The following TMX4 variants were observed in gnomAD, a reference collection of about 807,000 sequenced individuals.
TMX4 encodes the protein thioredoxin-related transmembrane protein 4.
Under a neutral mutation model 33.3 loss-of-function variants are expected in TMX4, and 23 were observed. The observed-to-expected ratio is 0.69, with a 90% CI of 0.50 to 0.98. The LOEUF (loss-of-function observed/expected upper bound fraction) is 0.98, where lower values mean the gene tolerates loss of function less well. Among genes scored for constraint, TMX4 ranks in the 50% least tolerant of loss-of-function variants. TMX4 has a pLI of 0.00. For missense variants in TMX4, 399 were observed against 448.9 expected, an observed-to-expected ratio of 0.89 and a Z score of 1.01; for synonymous variants, 164 against 161.5, an observed-to-expected ratio of 1.02 and a Z score of -0.12.
At chr20:8,007,121 T>C (rs1035573989) in intron 2 of TMX4, among the ~76,000 whole-genome samples, 1 of 152,178 alleles carries the variant, frequency 6.6e-6, no homozygotes, top group Non-Finnish European at 1.5e-5. Flanking sequence ...CTCTGGCACA[T>C]ACAGATCATA....
At chr20:7,995,149 T>A (rs115703470) in intron 5 of TMX4, among the ~76,000 whole-genome samples, 1,639 of 152,282 alleles carry the variant, frequency 0.011, 19 homozygotes, top group Middle Eastern at 0.027. Flanking sequence ...TATGAATGTG[T>A]ATGAGAAACA....
At chr20:7,989,151 C>A (rs772494093) in intron 5 of TMX4, among the ~76,000 whole-genome samples, 1 of 151,942 alleles carries the variant, frequency 6.6e-6, no homozygotes, top group Non-Finnish European at 1.5e-5. Context: ...TAGTTTCCTA[C>A]TTTAGAAAAT....
In TMX4 at chr20:7,982,116, G is replaced by C. The variant is rs752369361; in HGVS notation, c.*135C>G. ...GTATACATGAGGCTTACTGCCATGA[G>C]ACCAAATGACTAGAGAGCATCTTTT... On this transcript the variant is annotated 3_prime_UTR_variant, in exon 8 of 8. Coordinates refer to ENST00000246024, the MANE Select transcript of TMX4 (RefSeq NM_021156.4). 7.0e-5 allele frequency: 63 copies of C among 904,246 alleles called. No individual in the cohort carries two copies. The highest frequency in any genetic ancestry group is 9.3e-5 in the Non-Finnish European group (57 of 612,270). 56.0% of individuals were successfully genotyped at this position (904,246 alleles called of 1,614,324 possible).
At chr20:7,994,084 T>C (rs1416611728) in intron 5 of TMX4, among the ~76,000 whole-genome samples, 2 of 152,158 alleles carry the variant, frequency 1.3e-5, no homozygotes, top group Non-Finnish European at 2.9e-5. Flanking sequence ...TTTACAATTA[T>C]ACATTTATAT....
chr20:8,002,792 CT>C (rs1301406948), intron 2 of TMX4, among the ~76,000 whole-genome samples: 1 of 152,170 alleles, frequency 6.6e-6, no homozygotes, highest in Non-Finnish European at 1.5e-5. Flanking sequence ...AATGATGCGT[CT>C]TCTCAAAGAA....
rs1446250467 is a variant in TMX4 at position 7,979,663 on chromosome 20, AG to A, written c.*2587del. ...CTGAGGCAGGAGAATCCCTTGAACT[AG>A]GGAGGCGGAGGTTGTAGTAAGCCAA... On this transcript the variant is annotated 3_prime_UTR_variant, in exon 8 of 8. Coordinates refer to ENST00000246024, the MANE Select transcript of TMX4 (RefSeq NM_021156.4). The A allele has an allele frequency of 6.6e-6, 1 of 151,242 alleles. No homozygotes were observed. Among genetic ancestry groups the A allele is most frequent in the Non-Finnish European group, 1.5e-5 (1 of 67,828 alleles). The allele number at this position is 151,242 out of a possible 1,614,324, so 9.4% of individuals were successfully genotyped here. A position where few individuals can be genotyped will look rare whatever the true frequency, so the allele number is the denominator to read the frequency against.
intron 6 of TMX4, among the ~76,000 whole-genome samples, chr20:7,984,395 A>G (rs6055438): frequency 0.22 from 33,438 of 152,068 alleles, 6,794 homozygotes; most frequent in East Asian, 0.53. Flanking sequence ...TCTTGGATCC[A>G]GAGAAAGCCC....
intron 5 of TMX4, among the ~76,000 whole-genome samples, chr20:7,992,273 T>A (rs1458532598): frequency 6.6e-6 from 1 of 152,224 alleles, no homozygotes. Context: ...AGTGACTCCA[T>A]CTGTGAGATG....
At position 7,979,475 on chromosome 20, in the gene TMX4, C is replaced by T. The variant is rs1168262058; in HGVS notation, c.*2776G>A. ...ACATTTTCTGCCAGGTACGGTGGCT[C>T]ACACCTGTAATCCCAGCACGTTGGG... is the stretch of plus-strand genomic sequence containing the variant. On this transcript the variant is annotated 3_prime_UTR_variant, in exon 8 of 8. Transcript: ENST00000246024. 1 of 152,028 alleles carries T rather than the reference C, an allele frequency of 6.6e-6. No homozygotes were observed. Among genetic ancestry groups the T allele is most frequent in the Non-Finnish European group, 1.5e-5 (1 of 68,018 alleles). 9.4% of individuals were successfully genotyped at this position (152,028 alleles called of 1,614,324 possible).
chr20:7,992,474 C>T (rs924627352), intron 5 of TMX4, among the ~76,000 whole-genome samples: 1 of 152,168 alleles, frequency 6.6e-6, no homozygotes, highest in African/African-American at 2.4e-5. Context: ...GTATGAATGA[C>T]ATATCGAGGA....
At chr20:7,991,301 G>T (rs553377879) in intron 5 of TMX4, among the ~76,000 whole-genome samples, 2 of 152,314 alleles carry the variant, frequency 1.3e-5, no homozygotes, top group East Asian at 3.9e-4. Context: ...GAGCAGCAGA[G>T]ATTCAACAAA....
intron 5 of TMX4, among the ~76,000 whole-genome samples, chr20:7,994,167 T>C (rs2050666534): frequency 6.6e-6 from 1 of 152,176 alleles, no homozygotes; most frequent in Admixed American, 6.5e-5. Flanking sequence ...TTAGTTTATC[T>C]TATAAAATGA....
Position 8,016,988 on chromosome 20 carries a change from TAA to T in TMX4, c.176+2448_176+2449del, listed in dbSNP as rs11478144. ...ATTTTGTTTTTCTCTGTTATATACA[TAA>T]AAAAAAAAATCTGGTAACGTATAGG... On this transcript the variant is annotated intron_variant, in intron 1 of 7. Transcript: ENST00000246024. Among the ~76,000 whole-genome samples, 97 of 149,400 alleles carry T rather than the reference TAA, an allele frequency of 6.5e-4. No individual in the cohort carries two copies. The East Asian group carries it at 0.01, about 16-fold the overall frequency.
intron 1 of TMX4, among the ~76,000 whole-genome samples, chr20:8,012,940 G>T (rs1394628046): frequency 6.6e-6 from 1 of 152,188 alleles, no homozygotes; most frequent in African/African-American, 2.4e-5. Flanking sequence ...TCTTTCAGTG[G>T]TAGAGATAAG....
At chr20:7,987,734 A>G (rs2050637072) in intron 5 of TMX4, among the ~76,000 whole-genome samples, 1 of 152,152 alleles carries the variant, frequency 6.6e-6, no homozygotes, top group African/African-American at 2.4e-5. Flanking sequence ...GCATTCATGA[A>G]AAAATTAAAC....
chr20:7,992,666 G>A (rs533178740), intron 5 of TMX4, among the ~76,000 whole-genome samples: 1 of 152,248 alleles, frequency 6.6e-6, no homozygotes, highest in South Asian at 2.1e-4. Flanking sequence ...CCATGTGAGT[G>A]TCTCATCACC....
chr20:8,019,393 G>A (rs894747718), intron 1 of TMX4, 45 bp downstream of exon 1: 2 of 1,500,450 alleles, frequency 1.3e-6, no homozygotes, highest in East Asian at 2.8e-5. Context: ...GGAGGGTGAC[G>A]CCCGCGAGGA....
In TMX4 at chr20:7,982,243, C is replaced by T. The variant is rs776642359; in HGVS notation, c.*8G>A. ...TTGGTGTGTATTCTTGAAAACGCAT[C>T]ATTAAATCTACAGTCCCTTGTCAGC... On this transcript the variant is annotated 3_prime_UTR_variant, in exon 8 of 8. Coordinates refer to ENST00000246024, the MANE Select transcript of TMX4 (RefSeq NM_021156.4). The T allele has an allele frequency of 1.9e-6, 3 of 1,607,884 alleles. No homozygotes were observed. In the African/African-American group the frequency reaches 4.0e-5, roughly 22 times the overall value.
rs138686045 is a variant in TMX4 at position 8,010,145 on chromosome 20, A to G, written c.292+55T>C. 291 of 1,499,510 alleles carry G rather than the reference A, an allele frequency of 1.9e-4. No homozygotes were observed. The African/African-American group carries it at 3.5e-3, about 18-fold the overall frequency. The allele number at this position is 1,499,510 out of a possible 1,614,324, so 92.9% of individuals were successfully genotyped here. ...CAACTTTTCTATATGCTTGAAAAAA[A>G]TTCAAAATAAAAAGTCGGTAAACTT... On this transcript the variant is annotated intron_variant, in intron 2 of 7. Transcript: ENST00000246024.
Sources: gnomAD v4.1 joint callset for allele counts (sites outside exome capture counted in the v4.1 genomes callset) on GRCh38, gnomAD v4.1.1 for gene constraint, MANE v1.5 for transcripts, NCBI Gene and HGNC (gene_info 2026-07-23, HGNC 2026-07-21) for gene names.